AHRR: variants seen among roughly 807,000 people sequenced by gnomAD.
AHRR encodes aryl hydrocarbon receptor repressor.
A neutral mutation model predicts 44.0 loss-of-function variants in AHRR; 28 were observed. That is an observed-to-expected ratio of 0.64 (90% CI 0.47 to 0.87). The LOEUF (loss-of-function observed/expected upper bound fraction) is 0.87, where lower values mean the gene tolerates loss of function less well. Ranked by LOEUF, AHRR falls within the 40% of genes least tolerant of loss-of-function variation. The probability of loss-of-function intolerance (pLI) is 0.00; values close to 1 mark genes in which losing one functional copy is unlikely to be tolerated. For missense variants in AHRR, 990 were observed against 953.9 expected (o/e 1.04, Z -0.50); for synonymous variants, 434 against 407.0 (o/e 1.07, Z -0.80).
Position 392,580 on chromosome 5 carries a change from T to G in AHRR, c.351+15864T>G, listed in dbSNP as rs536472917. On this transcript the variant is annotated intron_variant, in intron 4 of 10. Transcript: ENST00000684583. ...CTGGGGAAACCCAACAGTGACTCGT[T>G]ATGTAAGCGTGTGACTTAGCAAGAC... Among the ~76,000 whole-genome samples the G allele has an allele frequency of 9.1e-4, 139 of 152,228 alleles. 1 individual carries two copies. The highest frequency in any genetic ancestry group is 3.2e-3 in the African/African-American group (132 of 41,516).
intron 4 of AHRR, among the ~76,000 whole-genome samples, chr5:390,702 C>G (rs971809835): frequency 5.3e-5 from 8 of 152,060 alleles, no homozygotes; most frequent in Non-Finnish European, 7.4e-5. Flanking sequence ...GCATGAGTTT[C>G]CGGGTTGGAA....
In AHRR at chr5:353,891, G is replaced by A. The variant is rs767835879; in HGVS notation, c.224G>A (p.Arg75Gln). The change falls in exon 3 of 11, where the codon CGG becomes CAG. Residue 75 changes from arginine to glutamine, a missense_variant. Arg to Gln is a conservative substitution (Grantham distance 43). Transcript: ENST00000684583. ...CTGCGCCTCAGTGTCAGTTACCTCCGGGTGAAGAGCTTCTTCCAAGGTAGG... is the reference window on the plus strand; with the variant it reads ...CTGCGCCTCAGTGTCAGTTACCTCCAGGTGAAGAGCTTCTTCCAAGGTAGG... Reference protein sequence around the residue: ...SVLRLSVSYLRVKSFFQVVQE... With the variant: ...SVLRLSVSYLQVKSFFQVVQE... 1.1e-5 allele frequency: 18 copies of A among 1,613,468 alleles called. No individual in the cohort carries two copies. The highest frequency in any genetic ancestry group is 4.0e-5 in the African/African-American group (3 of 74,912).
At chr5:323,962 G>C (rs1013915661) in intron 1 of AHRR, among the ~76,000 whole-genome samples, 2 of 150,966 alleles carry the variant, frequency 1.3e-5, no homozygotes, top group Non-Finnish European at 2.9e-5. Context: ...TGCCTAGCTC[G>C]CTCTTCCTTC....
At position 404,288 on chromosome 5, in the gene AHRR, T is replaced by C; in HGVS notation, c.352-9056T>C. 1 of 494,954 alleles carries C rather than the reference T, an allele frequency of 2.0e-6. No individual in the cohort carries two copies. The highest frequency in any genetic ancestry group is 2.3e-5 in the Admixed American group (1 of 42,890). The allele number at this position is 494,954 out of a possible 1,614,324, so 30.7% of individuals were successfully genotyped here. A position where few individuals can be genotyped will look rare whatever the true frequency, so the allele number is the denominator to read the frequency against. Reference sequence around the variant, plus strand: ...ATCATTGCCCTTCTCATCAAACATGTGAATAATTCGCTAATTTTTCTTCCA... The same window carrying C: ...ATCATTGCCCTTCTCATCAAACATGCGAATAATTCGCTAATTTTTCTTCCA... On this transcript the variant is annotated intron_variant, in intron 4 of 10. Coordinates refer to ENST00000684583, the MANE Select transcript of AHRR (RefSeq NM_001377236.1). The surrounding 1 kb of genome is among the most constrained non-coding windows in gnomAD (Gnocchi z 4.1).
intron 4 of AHRR, among the ~76,000 whole-genome samples, chr5:409,882 C>T (rs1378652609): frequency 1.3e-5 from 2 of 152,134 alleles, no homozygotes; most frequent in Non-Finnish European, 2.9e-5. Flanking sequence ...TGGGTTTCTT[C>T]TGGAAGCTTT....
intron 4 of AHRR, among the ~76,000 whole-genome samples, chr5:384,790 G>A (rs557643746): frequency 1.1e-4 from 17 of 152,306 alleles, no homozygotes; most frequent in East Asian, 3.9e-4. Flanking sequence ...TACTTGCCAC[G>A]TCTGTTGTTC....
At position 420,221 on chromosome 5, in the gene AHRR, G is replaced by C. The variant is rs185222962; in HGVS notation, c.442-2508G>C. ...GGAGGAGCCGTTGGCTACTTGGTAA[G>C]AGAGCTGTGAAGTCCTGGATTTGGG... On this transcript the variant is annotated intron_variant, in intron 5 of 10. Transcript: ENST00000684583. Among the ~76,000 whole-genome samples, 519 of 152,376 alleles carry C rather than the reference G, an allele frequency of 3.4e-3. 2 individuals are homozygous for C. Among genetic ancestry groups the C allele is most frequent in the Non-Finnish European group, 2.7e-3 (183 of 68,038 alleles).
At chr5:368,038 TG>T (rs1743428136) in intron 3 of AHRR, 1 of 652,290 alleles carries the variant, frequency 1.5e-6, no homozygotes, top group Non-Finnish European at 2.8e-6. Flanking sequence ...CAGCCCCATA[TG>T]GGTGTTAGTT....
chr5:417,687 T>C (rs1269628815), intron 5 of AHRR, among the ~76,000 whole-genome samples: 1 of 152,208 alleles, frequency 6.6e-6, no homozygotes, highest in Non-Finnish European at 1.5e-5. Flanking sequence ...ATTGGACTTT[T>C]TGTTTTCTTG....
At chr5:391,001 G>C (rs1431733971) in intron 4 of AHRR, among the ~76,000 whole-genome samples, 2 of 152,124 alleles carry the variant, frequency 1.3e-5, no homozygotes. Flanking sequence ...AGCCCCTCCA[G>C]GAGGCAGTGG....
chr5:430,960 GACC>G (rs3974192), intron 8 of AHRR, among the ~76,000 whole-genome samples: 3,333 of 152,350 alleles, frequency 0.022, 121 homozygotes, highest in African/African-American at 0.075. Context: ...CACAGAAAAG[GACC>G]TGGGGTCTCT....
chr5:339,046 T>C (rs913089191), intron 1 of AHRR, among the ~76,000 whole-genome samples: 1 of 152,264 alleles, frequency 6.6e-6, no homozygotes, highest in African/African-American at 2.4e-5. Context: ...CCTTTTACTG[T>C]GTGACCTTGC....
intron 4 of AHRR, among the ~76,000 whole-genome samples, chr5:379,445 G>A (rs1055486496): frequency 2.0e-5 from 3 of 152,210 alleles, no homozygotes; most frequent in African/African-American, 7.2e-5. Context: ...AATAGTAAGC[G>A]TGTTTTTAAC....
At chr5:368,647 G>A (rs1042836449) in intron 3 of AHRR, among the ~76,000 whole-genome samples, 6 of 152,260 alleles carry the variant, frequency 3.9e-5, no homozygotes, top group East Asian at 3.9e-4. Context: ...CCACGATAAC[G>A]TGGGGTTCCA....
chr5:403,540 G>GA (rs1735116457), intron 4 of AHRR, among the ~76,000 whole-genome samples: 2 of 151,640 alleles, frequency 1.3e-5, no homozygotes, highest in African/African-American at 4.9e-5. Context: ...GGAGGCTGCA[G>GA]CAGGAGAACT....
rs1230339444 is a variant in AHRR, at chr5:406,586, CAT to C, written c.352-6756_352-6755del. 5.3e-5 allele frequency among the ~76,000 whole-genome samples: 8 copies of C among 152,294 alleles called. No individual in the cohort carries two copies. The highest frequency in any genetic ancestry group is 5.2e-4 in the Admixed American group (8 of 15,300). On this transcript the variant is annotated intron_variant, in intron 4 of 10. Transcript: ENST00000684583. The surrounding 1 kb of genome is among the most constrained non-coding windows in gnomAD (Gnocchi z 4.7). ...TCAAGCTGGTTAGGCTATTCAAGAA[CAT>C]AGAAAGGGATAGAAAGCTGTTTAGT...
chr5:345,214 GTGTCGGATGATGTCCCTGGC>G, intron 2 of AHRR, among the ~76,000 whole-genome samples: 2 of 118,530 alleles, frequency 1.7e-5, no homozygotes, highest in Non-Finnish European at 3.7e-5. Flanking sequence ...GTGTGTGTGT[GTGTCGGATGATGTCCCTGGC>G]TGTGTGTGGG....
At chr5:384,954 G>A (rs921215526) in intron 4 of AHRR, among the ~76,000 whole-genome samples, 2 of 151,468 alleles carry the variant, frequency 1.3e-5, no homozygotes, top group Non-Finnish European at 2.9e-5. Context: ...GATCAGCCTG[G>A]CCAACATAGT....
chr5:376,105 G>A (rs116735791), intron 3 of AHRR, among the ~76,000 whole-genome samples: 2,466 of 152,288 alleles, frequency 0.016, 43 homozygotes, highest in Non-Finnish European at 0.021. Context: ...GAGGCGATGC[G>A]GGTGTGCAGG....
Sources: gnomAD v4.1 joint callset for allele counts (sites outside exome capture counted in the v4.1 genomes callset) on GRCh38, gnomAD v4.1.1 for gene constraint, Gnocchi (gnomAD v3.1) non-coding constraint, MANE v1.5 for transcripts, NCBI Gene and HGNC (gene_info 2026-07-23, HGNC 2026-07-21) for gene names.